The following INSL6 variants were observed in gnomAD, a reference collection of about 807,000 sequenced individuals.
INSL6 encodes insulin like 6, also known as insulin-like peptide INSL6.
A neutral mutation model predicts 9.4 loss-of-function variants in INSL6; 16 were observed. That is an observed-to-expected ratio of 1.70 (90% CI 1.15 to 2.59). The LOEUF is 2.59. Ranked by LOEUF, INSL6 falls within the 30% of genes most tolerant of loss-of-function variation. The probability of loss-of-function intolerance (pLI) is 0.00; values close to 1 mark genes in which losing one functional copy is unlikely to be tolerated. For synonymous variants in INSL6, 154 were observed against 96.9 expected (o/e 1.59, Z -3.46); for missense variants, 391 against 257.3 (o/e 1.52, Z -3.56).
rs139964957 is a variant in INSL6 at position 5,128,080 on chromosome 9, TTGTGTGTGTGTG to T, written c.*11-3581_*11-3570del. The T allele has an allele frequency of 7.8e-4, 176 of 224,790 alleles. 1 individual carries two copies. Among genetic ancestry groups the T allele is most frequent in the Middle Eastern group, 3.9e-3 (3 of 766 alleles). The allele number at this position is 224,790 out of a possible 1,614,324, so 13.9% of individuals were successfully genotyped here. ...TAGCTAAAATAAAATATGGTGGGTT[TTGTGTGTGTGTG>T]TGTGTGTGTGTGTGTGTGTGTGTGT... On this transcript the variant is annotated intron_variant, in intron 3 of 3. Coordinates refer to the INSL6 transcript ENST00000649639.
intron 1 of INSL6, among the ~76,000 whole-genome samples, chr9:5,165,070 G>A (rs1396088629): frequency 6.6e-6 from 1 of 152,160 alleles, no homozygotes; most frequent in Non-Finnish European, 1.5e-5. Context: ...AATTAGCCAG[G>A]CATGGTGGTG....
At chr9:5,126,503 AG>A (rs1824009080) in intron 3 of INSL6, 1 of 1,218,264 alleles carries the variant, frequency 8.2e-7, no homozygotes, top group African/African-American at 1.5e-5. Context: ...TTTTTACTCA[AG>A]GACTTCAGTT....
At chr9:5,007,725 CTT>C in the INSL6 span, among the ~76,000 whole-genome samples, 9 of 144,518 alleles carry the variant, frequency 6.2e-5, no homozygotes, top group African/African-American at 1.3e-4. Flanking sequence ...ATTATATTGT[CTT>C]TTTTTTTTTT....
the INSL6 span, among the ~76,000 whole-genome samples, chr9:5,072,207 C>T: frequency 6.6e-6 from 1 of 152,170 alleles, no homozygotes; most frequent in Non-Finnish European, 1.5e-5. Flanking sequence ...TAGGTAAACA[C>T]TGACTCTATT....
chr9:5,133,163 A>T (rs1006715451), intron 3 of INSL6, among the ~76,000 whole-genome samples: 1 of 150,478 alleles, frequency 6.6e-6, no homozygotes, highest in Non-Finnish European at 1.5e-5. Flanking sequence ...GTGATATTAG[A>T]GTGTCATGGT....
In INSL6 at chr9:5,126,771, A is replaced by C. The variant is rs757720246; in HGVS notation, c.*11-2260T>G. ...TCTAGCTCTTCGAGTGGATCAAATAAGGGATAACATGGCTGGATGAAAGAA... is the reference window on the plus strand; with the variant it reads ...TCTAGCTCTTCGAGTGGATCAAATACGGGATAACATGGCTGGATGAAAGAA... On this transcript the variant is annotated intron_variant, in intron 3 of 3. Coordinates refer to the INSL6 transcript ENST00000649639. 13 of 1,607,484 alleles carry C rather than the reference A, an allele frequency of 8.1e-6. No homozygotes were observed. The highest frequency in any genetic ancestry group is 1.1e-5 in the Non-Finnish European group (13 of 1,174,916).
chr9:5,148,515 G>A lies in INSL6; in HGVS notation c.377-14923C>T, dbSNP rs145342108. ...TGCTGTCAATATTATTAGGTATTTC[G>A]GGGCCACAGGGCTCCCTTGGGGAGA... is the stretch of plus-strand genomic sequence containing the variant. On this transcript the variant is annotated intron_variant, in intron 2 of 3. Coordinates refer to the INSL6 transcript ENST00000649639. Among the ~76,000 whole-genome samples the A allele has an allele frequency of 2.6e-4, 39 of 152,226 alleles. No homozygotes were observed. The East Asian group carries it at 6.8e-3, about 26-fold the overall frequency.
chr9:5,038,662 T>C, the INSL6 span, among the ~76,000 whole-genome samples: 1 of 151,578 alleles, frequency 6.6e-6, no homozygotes, highest in African/African-American at 2.4e-5. Flanking sequence ...ATACCTAATA[T>C]AAAAATCTAA....
chr9:5,000,046 C>A, the INSL6 span, among the ~76,000 whole-genome samples: 1 of 151,978 alleles, frequency 6.6e-6, no homozygotes. Flanking sequence ...ATTATGTTGA[C>A]CATGTTTTCA....
At chr9:5,016,056 A>G in the INSL6 span, among the ~76,000 whole-genome samples, 1 of 152,172 alleles carries the variant, frequency 6.6e-6, no homozygotes, top group Admixed American at 6.6e-5. Flanking sequence ...TACAACATGG[A>G]TGACTAGAGG....
the INSL6 span, chr9:5,110,771 G>A: frequency 5.1e-6 from 2 of 390,718 alleles, no homozygotes; most frequent in South Asian, 4.1e-5. Flanking sequence ...GGCCATGCAG[G>A]AGTGGTAAGG....
the INSL6 span, chr9:5,085,791 G>T: frequency 6.6e-6 from 5 of 755,054 alleles, no homozygotes; most frequent in African/African-American, 1.7e-5. Flanking sequence ...AATATTACAT[G>T]CTCGGGCCAT....
chr9:5,020,654 G>T, the INSL6 span, among the ~76,000 whole-genome samples: 1 of 152,188 alleles, frequency 6.6e-6, no homozygotes, highest in Non-Finnish European at 1.5e-5. Flanking sequence ...TTGACACCTA[G>T]CGGCAGCAGC....
At position 5,130,665 on chromosome 9, in the gene INSL6, G is replaced by C. The variant is rs767632343; in HGVS notation, c.*10+2760C>G. On this transcript the variant is annotated intron_variant, in intron 3 of 3. Transcript: ENST00000649639. ...AAAGTTTAAGGTCCTCCAAATACTT[G>C]AGGTATATATTATGGAAACTCAGAG... is the stretch of plus-strand genomic sequence containing the variant. Among the ~76,000 whole-genome samples the C allele has an allele frequency of 1.2e-3, 184 of 151,664 alleles. 3 individuals carry two copies. The highest frequency in any genetic ancestry group is 3.4e-3 in the Middle Eastern group (1 of 294).
At chr9:5,162,274 T>C (rs1171346128), downstream of INSL6, among the ~76,000 whole-genome samples, 1 of 152,142 alleles carries the variant, frequency 6.6e-6, no homozygotes, top group Non-Finnish European at 1.5e-5. Context: ...AATGTGACTA[T>C]TCTATCAAAA....
At chr9:5,120,744 A>G (rs1823551878), downstream of INSL6, among the ~76,000 whole-genome samples, 1 of 152,304 alleles carries the variant, frequency 6.6e-6, no homozygotes, top group African/African-American at 2.4e-5. Flanking sequence ...CTGATTGGAG[A>G]TATTTCTAAG....
the INSL6 span, chr9:5,111,760 C>T: frequency 1.4e-5 from 6 of 422,026 alleles, no homozygotes; most frequent in Admixed American, 5.6e-5. Flanking sequence ...GAGAAGTGAA[C>T]GGTGGGCTTC....
the INSL6 span, chr9:5,072,477 CT>C: frequency 4.6e-6 from 7 of 1,505,740 alleles, no homozygotes; most frequent in South Asian, 4.1e-5. Context: ...TTTCTTTTAC[CT>C]TTTTCTCTTG....
At chr9:5,017,402 G>C in the INSL6 span, among the ~76,000 whole-genome samples, 2 of 152,166 alleles carry the variant, frequency 1.3e-5, no homozygotes, top group South Asian at 4.1e-4. Flanking sequence ...TAAGAACTTC[G>C]TTTAAATTAA....
Sources: gnomAD v4.1 joint callset for allele counts (sites outside exome capture counted in the v4.1 genomes callset) on GRCh38, gnomAD v4.1.1 for gene constraint, MANE v1.5 for transcripts, NCBI Gene and HGNC (gene_info 2026-07-23, HGNC 2026-07-21) for gene names.